GRID2: variants seen among roughly 807,000 people sequenced by gnomAD.
GRID2 encodes glutamate receptor ionotropic, delta-2.
GRID2 carries 33 observed loss-of-function variants against 114.8 expected under a neutral mutation model. The observed-to-expected ratio is 0.29, with a 90% CI of 0.22 to 0.38. GRID2 has a LOEUF of 0.38. GRID2 is among the 10% of genes least tolerant of loss of function. The pLI is 1.00. For synonymous variants in GRID2, 505 were observed against 449.9 expected (o/e 1.12, Z -1.55); for missense variants, 1,184 against 1,257.7 (o/e 0.94, Z 0.89).
At chr4:93,549,198 C>T (rs1237999004) in intron 13 of GRID2, among the ~76,000 whole-genome samples, 2 of 152,084 alleles carry the variant, frequency 1.3e-5, no homozygotes, top group Non-Finnish European at 2.9e-5. Context: ...AAACCAAGAT[C>T]GCACTATTTT....
chr4:93,681,383 T>G, intron 14 of GRID2, among the ~76,000 whole-genome samples: 1 of 148,488 alleles, frequency 6.7e-6, no homozygotes, highest in Admixed American at 6.6e-5. Context: ...AATGCCATCC[T>G]CATCAAGCTA....
At chr4:93,343,057 A>G (rs1175507968) in intron 8 of GRID2, among the ~76,000 whole-genome samples, 2 of 151,990 alleles carry the variant, frequency 1.3e-5, no homozygotes, top group African/African-American at 4.8e-5. Flanking sequence ...AGAGAAGATA[A>G]ATATTGAGGA....
chr4:93,689,728 T>A (rs1726381843), intron 14 of GRID2, among the ~76,000 whole-genome samples: 1 of 152,152 alleles, frequency 6.6e-6, no homozygotes, highest in South Asian at 2.1e-4. Flanking sequence ...CATTACATTA[T>A]GTCAGTGAAG....
At chr4:93,257,468 G>A (rs1286698397) in intron 8 of GRID2, among the ~76,000 whole-genome samples, 1 of 151,596 alleles carries the variant, frequency 6.6e-6, no homozygotes, top group African/African-American at 2.4e-5. Flanking sequence ...CATAATTTAA[G>A]AAACATTTTA....
rs775968274 is a variant in GRID2 at position 93,192,747 on chromosome 4, CAAAAAAA to C, written c.736-14639_736-14633del. Among the ~76,000 whole-genome samples the C allele has an allele frequency of 8.9e-3, 391 of 43,742 alleles. 1 individual carries two copies. The highest frequency in any genetic ancestry group is 0.012 in the Non-Finnish European group (254 of 20,782). 28.7% of individuals were successfully genotyped at this position (43,742 alleles called of 152,430 possible). A position where few individuals can be genotyped will look rare whatever the true frequency, so the allele number is the denominator to read the frequency against. On this transcript the variant is annotated intron_variant, in intron 4 of 15. Transcript: ENST00000282020. ...GGGCAACAAGAGCAAAACTCCATCT[CAAAAAAA>C]AAAAAAAAAAAAAAAAAGAGATTTC...
chr4:92,713,361 A>T (rs891204389), intron 2 of GRID2, among the ~76,000 whole-genome samples: 21 of 151,018 alleles, frequency 1.4e-4, no homozygotes, highest in East Asian at 1.4e-3. Flanking sequence ...AGAATGGCCA[A>T]TATTTCAGTA....
intron 11 of GRID2, among the ~76,000 whole-genome samples, chr4:93,462,232 A>G (rs1373501895): frequency 6.6e-6 from 1 of 152,186 alleles, no homozygotes; most frequent in Non-Finnish European, 1.5e-5. Flanking sequence ...TGCTTTGAGT[A>G]TGATGCTAAA....
At chr4:93,393,634 A>T (rs1434556387) in intron 8 of GRID2, among the ~76,000 whole-genome samples, 2 of 151,988 alleles carry the variant, frequency 1.3e-5, no homozygotes, top group Non-Finnish European at 2.9e-5. Flanking sequence ...ATGTTCAGTT[A>T]TGTTTAAAAG....
At chr4:93,239,208 A>G (rs1055911897) in intron 8 of GRID2, among the ~76,000 whole-genome samples, 2 of 148,150 alleles carry the variant, frequency 1.3e-5, no homozygotes, top group Non-Finnish European at 3.0e-5. Context: ...TTATATATAT[A>G]CACATATACA....
chr4:93,096,916 T>C (rs1217736059), intron 3 of GRID2, among the ~76,000 whole-genome samples: 3 of 152,024 alleles, frequency 2.0e-5, no homozygotes, highest in Non-Finnish European at 4.4e-5. Context: ...CTAATGCCCA[T>C]CATTTTGAGA....
intron 14 of GRID2, among the ~76,000 whole-genome samples, chr4:93,745,732 A>G (rs1243384510): frequency 1.3e-5 from 2 of 152,226 alleles, no homozygotes; most frequent in Non-Finnish European, 2.9e-5. Context: ...AATTAAATGT[A>G]CTGTTTACAA....
At chr4:92,926,011 A>T (rs890895370) in intron 2 of GRID2, among the ~76,000 whole-genome samples, 2 of 152,060 alleles carry the variant, frequency 1.3e-5, no homozygotes, top group African/African-American at 4.8e-5. Context: ...TTACTACAGA[A>T]TTAAAGTTGC....
At chr4:92,917,433 C>T (rs960650551) in intron 2 of GRID2, among the ~76,000 whole-genome samples, 3 of 152,110 alleles carry the variant, frequency 2.0e-5, no homozygotes, top group Non-Finnish European at 4.4e-5. Flanking sequence ...GAAGTCCTTG[C>T]CCATGTCTGT....
chr4:93,133,718 A>G (rs764924201), intron 4 of GRID2, among the ~76,000 whole-genome samples: 22 of 152,088 alleles, frequency 1.4e-4, no homozygotes, highest in Non-Finnish European at 1.6e-4. Flanking sequence ...GTTGTGTCCT[A>G]TTTCCCCTAA....
intron 10 of GRID2, among the ~76,000 whole-genome samples, chr4:93,430,095 C>T (rs1032126): frequency 0.69 from 104,913 of 152,056 alleles, 36,716 homozygotes; most frequent in African/African-American, 0.81. Context: ...TAAATGAATT[C>T]CTATGATGGG....
intron 1 of GRID2, among the ~76,000 whole-genome samples, chr4:92,475,740 G>T (rs998410817): frequency 2.0e-5 from 3 of 151,702 alleles, no homozygotes; most frequent in Non-Finnish European, 4.4e-5. Context: ...GCATTGCATT[G>T]AATTTTTATA....
rs529381885 is a variant in GRID2 at position 92,544,727 on chromosome 4, T to G, written c.89-45404T>G. ...CATTTCAGTTTTTTAATTTATCTAT[T>G]TTCCATTAACTTTCAGTAACCAATA... is the stretch of plus-strand genomic sequence containing the variant. On this transcript the variant is annotated intron_variant, in intron 1 of 15. Transcript: ENST00000282020. Among the ~76,000 whole-genome samples, 3 of 152,236 alleles carry G rather than the reference T, an allele frequency of 2.0e-5. No individual in the cohort carries two copies. In the Middle Eastern group the frequency reaches 0.01, roughly 518 times the overall value.
chr4:93,067,353 T>C (rs1365704171), intron 2 of GRID2, among the ~76,000 whole-genome samples: 3 of 152,004 alleles, frequency 2.0e-5, no homozygotes, highest in Non-Finnish European at 4.4e-5. Context: ...GAAATGTACC[T>C]CTCACAGTTC....
intron 14 of GRID2, among the ~76,000 whole-genome samples, chr4:93,767,696 ATCT>A (rs930048268): frequency 2.0e-5 from 3 of 152,102 alleles, no homozygotes; most frequent in East Asian, 1.9e-4. Flanking sequence ...AATGCACAAA[ATCT>A]TCTTCCCTTT....
Sources: allele counts gnomAD v4.1 joint callset (sites outside exome capture counted in the v4.1 genomes callset), GRCh38; gene constraint gnomAD v4.1.1; transcripts MANE v1.5; gene names NCBI Gene and HGNC (gene_info 2026-07-23, HGNC 2026-07-21).